Variants in LRFN2 observed in about 807,000 individuals in gnomAD.
The protein encoded by LRFN2 is leucine-rich repeat and fibronectin type-III domain-containing protein 2.
Under a neutral mutation model 37.3 loss-of-function variants are expected in LRFN2, and 18 were observed. The observed-to-expected ratio is 0.48, with a 90% CI of 0.33 to 0.72. The LOEUF is 0.72. Ranked by LOEUF, LRFN2 falls within the 30% of genes least tolerant of loss-of-function variation. LRFN2 has a pLI of 0.02. For synonymous variants in LRFN2, 556 were observed against 466.6 expected (o/e 1.19, Z -2.47); for missense variants, 1,006 against 1,060.7 (o/e 0.95, Z 0.72).
intron 1 of LRFN2, among the ~76,000 whole-genome samples, chr6:40,515,762 A>G (rs535758892): frequency 4.3e-4 from 65 of 152,030 alleles, no homozygotes; most frequent in Non-Finnish European, 8.5e-4. Flanking sequence ...GCGTGGTGCC[A>G]TGTGACTGTA....
At chr6:40,524,622 A>T (rs1766193984) in intron 1 of LRFN2, among the ~76,000 whole-genome samples, 3 of 152,218 alleles carry the variant, frequency 2.0e-5, no homozygotes, top group Non-Finnish European at 4.4e-5. Context: ...CAACCCAACC[A>T]GCCTTTAAAC....
intron 1 of LRFN2, among the ~76,000 whole-genome samples, chr6:40,437,283 G>A (rs115577782): frequency 0.025 from 3,802 of 152,196 alleles, 150 homozygotes; most frequent in African/African-American, 0.084. Flanking sequence ...CATATGGACC[G>A]CATCTGTGCA....
intron 1 of LRFN2, among the ~76,000 whole-genome samples, chr6:40,462,479 T>C (rs979456146): frequency 1.3e-5 from 2 of 152,104 alleles, no homozygotes; most frequent in Non-Finnish European, 1.5e-5. Context: ...AAGTCCTCTC[T>C]GTCTAGGAGA....
intron 1 of LRFN2, among the ~76,000 whole-genome samples, chr6:40,538,825 C>T (rs1766500199): frequency 6.6e-6 from 1 of 152,262 alleles, no homozygotes; most frequent in Admixed American, 6.5e-5. Flanking sequence ...CCTGCGAGCA[C>T]AGTGTCAGAT....
intron 1 of LRFN2, among the ~76,000 whole-genome samples, chr6:40,453,554 A>ACC (rs1554136361): frequency 0.034 from 4,325 of 128,318 alleles, 267 homozygotes; most frequent in African/African-American, 0.072. Context: ...ACACACACAC[A>ACC]CCTCCCTTTG....
intron 1 of LRFN2, among the ~76,000 whole-genome samples, chr6:40,485,156 T>C (rs1764924441): frequency 6.6e-6 from 1 of 152,212 alleles, no homozygotes. Context: ...TATAAAATGT[T>C]CAACTATCAG....
chr6:40,463,721 G>GGCTGGAGT (rs1413419242), intron 1 of LRFN2, among the ~76,000 whole-genome samples: 3 of 132,722 alleles, frequency 2.3e-5, no homozygotes, highest in Non-Finnish European at 4.6e-5. Context: ...CTGTCACCCA[G>GGCTGGAGT]GCTGGAGTGC....
intron 1 of LRFN2, among the ~76,000 whole-genome samples, chr6:40,557,388 G>C (rs111267600): frequency 6.6e-5 from 10 of 152,204 alleles, no homozygotes; most frequent in Admixed American, 1.3e-4. Context: ...AACCATGGTG[G>C]TAATGGTGGC....
intron 2 of LRFN2, among the ~76,000 whole-genome samples, chr6:40,415,864 A>G (rs867006382): frequency 1.3e-5 from 2 of 152,224 alleles, no homozygotes; most frequent in South Asian, 4.1e-4. Context: ...AACAAATAGC[A>G]CTGGGTGAAA....
At chr6:40,411,204 TG>T (rs1276474807) in intron 2 of LRFN2, among the ~76,000 whole-genome samples, 1 of 152,144 alleles carries the variant, frequency 6.6e-6, no homozygotes, top group Non-Finnish European at 1.5e-5. Context: ...CTGCTCCAGC[TG>T]GGGAGAGGCC....
intron 2 of LRFN2, among the ~76,000 whole-genome samples, chr6:40,423,448 T>C (rs747136524): frequency 2.6e-5 from 4 of 152,210 alleles, no homozygotes; most frequent in South Asian, 2.1e-4. Context: ...CTCTTTCAAA[T>C]ACATGAGCTC....
chr6:40,479,449 C>G (rs544066544), intron 1 of LRFN2, among the ~76,000 whole-genome samples: 1 of 152,092 alleles, frequency 6.6e-6, no homozygotes, highest in East Asian at 1.9e-4. Context: ...CTCACTGGGG[C>G]CTCAGTTTCC....
chr6:40,443,653 G>A (rs569820465), intron 1 of LRFN2, among the ~76,000 whole-genome samples: 1 of 152,284 alleles, frequency 6.6e-6, no homozygotes, highest in East Asian at 1.9e-4. Context: ...GCAGTTCTGG[G>A]GAGAAGGGGT....
At chr6:40,455,314 C>A (rs2113846130) in intron 1 of LRFN2, among the ~76,000 whole-genome samples, 1 of 152,306 alleles carries the variant, frequency 6.6e-6, no homozygotes, top group East Asian at 1.9e-4. Flanking sequence ...GCCTCACCTG[C>A]CCCTCAGACC....
rs559145508 is a variant in LRFN2 at position 40,565,368 on chromosome 6, G to T, written c.-19+21573C>A. ...CAAGCTACCAATGACTTTCTTCACC[G>T]AATTGGAAAAAACTACTTTAAAGTT... On this transcript the variant is annotated intron_variant, in intron 1 of 2. Transcript: ENST00000338305. Among the ~76,000 whole-genome samples, 244 of 152,214 alleles carry T rather than the reference G, an allele frequency of 1.6e-3. 1 individual carries two copies. Among genetic ancestry groups the T allele is most frequent in the East Asian group, 0.012 (61 of 5,172 alleles).
At chr6:40,417,007 G>A (rs1239768578) in intron 2 of LRFN2, among the ~76,000 whole-genome samples, 1 of 152,188 alleles carries the variant, frequency 6.6e-6, no homozygotes, top group African/African-American at 2.4e-5. Flanking sequence ...GGGAGAAGTA[G>A]CTCCCCACCC....
chr6:40,537,233 T>G (rs7750333), intron 1 of LRFN2, among the ~76,000 whole-genome samples: 70,524 of 152,092 alleles, frequency 0.46, 16,921 homozygotes, highest in African/African-American at 0.58. Flanking sequence ...CCTAGATGTG[T>G]AAGGCCCATG....
chr6:40,487,001 G>A lies in LRFN2; in HGVS notation c.-18-53870C>T, dbSNP rs540458218. ...CAGAGTGAGGAAATGTGGTTCAGAG[G>A]GGCAGAGTAAATTGCCCAGTGTCAC... On this transcript the variant is annotated intron_variant, in intron 1 of 2. Transcript: ENST00000338305. 5.3e-5 allele frequency among the ~76,000 whole-genome samples: 8 copies of A among 152,196 alleles called. No individual in the cohort carries two copies. In the South Asian group the frequency reaches 1.7e-3, roughly 32 times the overall value.
intron 1 of LRFN2, among the ~76,000 whole-genome samples, chr6:40,503,643 T>G (rs1418508715): frequency 6.6e-6 from 1 of 151,986 alleles, no homozygotes; most frequent in African/African-American, 2.4e-5. Flanking sequence ...GGGTAGGAAA[T>G]GAAGGCCAAG....
Sources: gnomAD v4.1 joint callset for allele counts (sites outside exome capture counted in the v4.1 genomes callset) on GRCh38, gnomAD v4.1.1 for gene constraint, MANE v1.5 for transcripts, NCBI Gene and HGNC (gene_info 2026-07-23, HGNC 2026-07-21) for gene names.